Variants in LTBP4 observed in about 807,000 individuals in gnomAD.
The protein encoded by LTBP4 is latent transforming growth factor beta binding protein 4, also known as latent-transforming growth factor beta-binding protein 4.
LTBP4 carries 93 observed loss-of-function variants against 180.2 expected under a neutral mutation model. The observed-to-expected ratio is 0.52, with a 90% CI of 0.44 to 0.61. The LOEUF (loss-of-function observed/expected upper bound fraction) is 0.61. LTBP4 is among the 20% of genes least tolerant of loss of function. LTBP4 has a pLI of 0.00. For missense variants in LTBP4, 2,116 were observed against 2,256.5 expected, an observed-to-expected ratio of 0.94 and a Z score of 1.26; for synonymous variants, 947 against 934.5, an observed-to-expected ratio of 1.01 and a Z score of -0.24.
rs760436315 is a variant in LTBP4, at chr19:40,613,060, C to A, written c.2300-5C>A. On this transcript the variant is annotated splice_region_variant and splice_polypyrimidine_tract_variant and intron_variant, in intron 15 of 29. Transcript: ENST00000396819. This position sits in a 1 kb window ranked among gnomAD's most constrained non-coding sequence, Gnocchi z 5.0. Reference sequence around the variant, plus strand: ...ACCCTTTCTGAACACCCCCACCCCCCACAGATGTGGACGAATGCAGTTCGG... The same window carrying A: ...ACCCTTTCTGAACACCCCCACCCCCAACAGATGTGGACGAATGCAGTTCGG... 61 of 1,611,582 alleles carry A rather than the reference C, an allele frequency of 3.8e-5. No homozygotes were observed. Among genetic ancestry groups the A allele is most frequent in the Middle Eastern group, 1.6e-4 (1 of 6,080 alleles).
Position 40,609,963 on chromosome 19 carries a change from C to T in LTBP4, c.1684+92C>T. On this transcript the variant is annotated intron_variant, in intron 11 of 29. Transcript: ENST00000396819. The surrounding 1 kb of genome is among the most constrained non-coding windows in gnomAD (Gnocchi z 4.9). ...CCTCTCCAGCCCTCCCACGCTTCCC[C>T]TCTCGGGTCCCGCCCCAGGACTGCT... 1.4e-6 allele frequency: 2 copies of T among 1,427,516 alleles called. No individual in the cohort carries two copies. The highest frequency in any genetic ancestry group is 1.5e-5 in the South Asian group (1 of 68,910). 88.4% of individuals were successfully genotyped at this position (1,427,516 alleles called of 1,614,324 possible).
chr19:40,613,480 T>C lies in LTBP4; in HGVS notation c.2508T>C (p.Cys836=). 5 of 1,591,808 alleles carry C rather than the reference T, an allele frequency of 3.1e-6. No homozygotes were observed. Among genetic ancestry groups the C allele is most frequent in the Non-Finnish European group, 4.3e-6 (5 of 1,169,812 alleles). Reference sequence around the variant, plus strand: ...TCAACACTGACGGCTCCTTTGCCTGTACTTGTGCCCCTGGCTACCGACCCG... The same window carrying C: ...TCAACACTGACGGCTCCTTTGCCTGCACTTGTGCCCCTGGCTACCGACCCG... ...ECLNTDGSFA[C]TCAPGYRPGP... The change falls in exon 17 of 30, where the codon TGT becomes TGC. Residue 836 remains cysteine (C), a synonymous_variant. Coordinates refer to ENST00000396819, the MANE Select transcript of LTBP4 (RefSeq NM_001042545.2). The surrounding 1 kb of genome is among the most constrained non-coding windows in gnomAD (Gnocchi z 5.0).
At position 40,606,566 on chromosome 19, in the gene LTBP4, C is replaced by T. The variant is rs746831781; in HGVS notation, c.991+40C>T. 1.6e-5 allele frequency: 25 copies of T among 1,539,524 alleles called. No homozygotes were observed. In the Admixed American group the frequency reaches 2.9e-4, roughly 18 times the overall value. ...GGGAGCTGAGGCTGGGTCCCGCCCTCCCTGCCCTCAGAAGTCCCAGAGCAT... is the reference window on the plus strand; with the variant it reads ...GGGAGCTGAGGCTGGGTCCCGCCCTTCCTGCCCTCAGAAGTCCCAGAGCAT... On this transcript the variant is annotated intron_variant, in intron 6 of 29. Transcript: ENST00000396819.
chr19:40,604,742 C>T (rs1173402226), intron 1 of LTBP4, among the ~76,000 whole-genome samples: 1 of 152,138 alleles, frequency 6.6e-6, no homozygotes, highest in Non-Finnish European at 1.5e-5. Context: ...ACTTAGGAGG[C>T]TCAGATGGGA....
At chr19:40,607,818 T>G (rs2146024384) in intron 7 of LTBP4, among the ~76,000 whole-genome samples, 1 of 152,320 alleles carries the variant, frequency 6.6e-6, no homozygotes, top group African/African-American at 2.4e-5. Flanking sequence ...TCCCTGAACT[T>G]TGACCAAGTC....
chr19:40,614,018 C>T lies in LTBP4; in HGVS notation c.2660C>T (p.Pro887Leu), dbSNP rs780185380. 3.1e-6 allele frequency: 5 copies of T among 1,613,100 alleles called. No individual in the cohort carries two copies. Among genetic ancestry groups the T allele is most frequent in the Non-Finnish European group, 4.2e-6 (5 of 1,179,790 alleles). The change falls in exon 18 of 30, where the codon CCG becomes CTG. Residue 887 changes from proline to leucine, a missense_variant. Around this residue, in one of 5 missense-constraint regions of LTBP4, gnomAD observed 877 missense variants for 873.6 expected, o/e 1.00. Transcript: ENST00000396819. ...CICPPGHRAG[P>L]DLASCLDVDE... ...TGTCCTCCGGGACACCGCGCTGGCCCGGACCTCGCCTCCTGCCTCGGTGAG... is the reference window on the plus strand; with the variant it reads ...TGTCCTCCGGGACACCGCGCTGGCCTGGACCTCGCCTCCTGCCTCGGTGAG...
rs1387132961 is a variant in LTBP4, at chr19:40,610,152, A to G, written c.1684+281A>G. 5.1e-5 allele frequency: 23 copies of G among 453,004 alleles called. No individual in the cohort carries two copies. The East Asian group carries it at 7.9e-4, about 16-fold the overall frequency. The allele number at this position is 453,004 out of a possible 1,614,324, so 28.1% of individuals were successfully genotyped here. A position where few individuals can be genotyped will look rare whatever the true frequency, so the allele number is the denominator to read the frequency against. On this transcript the variant is annotated intron_variant, in intron 11 of 29. Coordinates refer to ENST00000396819, the MANE Select transcript of LTBP4 (RefSeq NM_001042545.2). ...CGCCCAGGCCCCGCCCTTATTGGCC[A>G]CGCCCCTCCCTGACTAACTCCCTCC...
At chr19:40,593,229 A>G (rs1396624153) in intron 1 of LTBP4, 1 of 1,611,180 alleles carries the variant, frequency 6.2e-7, no homozygotes. Flanking sequence ...GTGCACCTCA[A>G]ACCCTAATTT....
chr19:40,597,276 G>A (rs2081396129), upstream of LTBP4: 2 of 1,518,994 alleles, frequency 1.3e-6, no homozygotes, highest in Admixed American at 4.0e-5. Flanking sequence ...CCCTCCTGCT[G>A]GTGCTGTTGC....
intron 26 of LTBP4, among the ~76,000 whole-genome samples, chr19:40,625,270 A>T (rs1325825975): frequency 5.2e-3 from 18 of 3,468 alleles, no homozygotes; most frequent in African/African-American, 0.046. Context: ...ATATATATAT[A>T]TATATATATA....
Position 40,629,298 on chromosome 19 carries a change from C to T in LTBP4, c.4520-98C>T. On this transcript the variant is annotated intron_variant, in intron 29 of 29. Coordinates refer to ENST00000396819, the MANE Select transcript of LTBP4 (RefSeq NM_001042545.2). The surrounding 1 kb of genome is among the most constrained non-coding windows in gnomAD (Gnocchi z 4.5). The stretch of plus-strand genomic sequence containing the variant: ...AGGCCAGATTGGACTCCAAACTGCT[C>T]AGCATCTGTGCTCCTCTGTTCCAAG... 2 of 1,526,466 alleles carry T rather than the reference C, an allele frequency of 1.3e-6. No individual in the cohort carries two copies. Among genetic ancestry groups the T allele is most frequent in the South Asian group, 1.1e-5 (1 of 88,914 alleles). 94.6% of individuals were successfully genotyped at this position (1,526,466 alleles called of 1,614,324 possible). A position where few individuals can be genotyped will look rare whatever the true frequency, so the allele number is the denominator to read the frequency against.
rs902535012 is a variant in LTBP4, at chr19:40,607,491, G to A, written c.1118G>A (p.Trp373Ter). 6.2e-7 allele frequency: 1 copy of A among 1,612,674 alleles called. No individual in the cohort carries two copies. Among genetic ancestry groups the A allele is most frequent in the Admixed American group, 1.7e-5 (1 of 59,952 alleles). Residue 373 changes from tryptophan (W) to a stop codon, truncating the protein, a stop_gained, in exon 7 of 30, where the codon TGG becomes TAG. Coordinates refer to ENST00000396819, the MANE Select transcript of LTBP4 (RefSeq NM_001042545.2). LOFTEE classifies it high-confidence loss of function. ...TGCTGCAGCCGCGTAGGCAAGGCCTGGGGCCGGGGCTGCCAGCTCTGCCCA... is the reference window on the plus strand; with the variant it reads ...TGCTGCAGCCGCGTAGGCAAGGCCTAGGGCCGGGGCTGCCAGCTCTGCCCA... ...ICCCSRVGKA[W>*]GRGCQLCPPF...
rs774856912 is a variant in LTBP4, at chr19:40,608,336, C to G, written c.1273C>G (p.Arg425Gly). The G allele has an allele frequency of 6.8e-6, 11 of 1,613,560 alleles. No individual in the cohort carries two copies. The highest frequency in any genetic ancestry group is 9.3e-6 in the Non-Finnish European group (11 of 1,179,804). ...ACCCCGAGTGTCACTCAGCCAGCCTCGTACCCTGCCAGCCACCTCTCGGCC... is the reference window on the plus strand; with the variant it reads ...ACCCCGAGTGTCACTCAGCCAGCCTGGTACCCTGCCAGCCACCTCTCGGCC... ...EPPRVSLSQPRTLPATSRPSA... is the reference protein window; with the variant it reads ...EPPRVSLSQPGTLPATSRPSA... Residue 425 changes from arginine (R) to glycine (G), a missense_variant, in exon 8 of 30, where the codon CGT (arginine) becomes GGT (glycine). By Grantham distance (125) the Arg-to-Gly change is moderately radical. Coordinates refer to ENST00000396819, the MANE Select transcript of LTBP4 (RefSeq NM_001042545.2).
Position 40,622,450 on chromosome 19 carries a change from C to T in LTBP4, c.3267C>T (p.Pro1089=), listed in dbSNP as rs754157157. The change falls in exon 23 of 30, where the codon CCC becomes CCT. Residue 1089 remains proline, a synonymous_variant. Transcript: ENST00000396819. The surrounding 1 kb of genome is among the most constrained non-coding windows in gnomAD (Gnocchi z 5.1). ...QPQAPASPVL[P]ARPPPPPLPR... ...AGGCACCTGCTAGCCCCGTTCTGCCCGCCAGGCCACCTCCGCCACCCCTGC... is the reference window on the plus strand; with the variant it reads ...AGGCACCTGCTAGCCCCGTTCTGCCTGCCAGGCCACCTCCGCCACCCCTGC... 63 of 1,596,912 alleles carry T rather than the reference C, an allele frequency of 3.9e-5. No individual in the cohort carries two copies. In the Admixed American group the frequency reaches 6.4e-4, roughly 16 times the overall value.
chr19:40,627,698 C>A lies in LTBP4; in HGVS notation c.4367-7C>A. ...CTCAAGTCATAGGGTCCCCGCATTT[C>A]CCACAGGTTCCCTGGCTGAGCCCTA... On this transcript the variant is annotated splice_polypyrimidine_tract_variant and splice_region_variant and intron_variant, in intron 28 of 29. Coordinates refer to ENST00000396819, the MANE Select transcript of LTBP4 (RefSeq NM_001042545.2). 1 of 1,585,478 alleles carries A rather than the reference C, an allele frequency of 6.3e-7. No homozygotes were observed. The highest frequency in any genetic ancestry group is 8.6e-7 in the Non-Finnish European group (1 of 1,167,380).
At chr19:40,602,577 C>G (rs977872133) in intron 1 of LTBP4, among the ~76,000 whole-genome samples, 2 of 152,172 alleles carry the variant, frequency 1.3e-5, no homozygotes, top group African/African-American at 4.8e-5. Flanking sequence ...CTCTCTCCTC[C>G]CCTTCCTCCC....
At position 40,613,513 on chromosome 19, in the gene LTBP4, C is replaced by T. The variant is rs374064719; in HGVS notation, c.2541C>T (p.Arg847=). ...CCCCTGGCTACCGACCCGGACCCCG[C>T]GGAGCCTCTTGCCTCGGTTCGTACC... is the stretch of plus-strand genomic sequence containing the variant. ...TCAPGYRPGP[R]GASCLDVDEC... is the part of the protein sequence containing the mutation. Residue 847 remains arginine (R), a synonymous_variant, in exon 17 of 30, where the codon CGC becomes CGT. Coordinates refer to ENST00000396819, the MANE Select transcript of LTBP4 (RefSeq NM_001042545.2). The surrounding 1 kb of genome is among the most constrained non-coding windows in gnomAD (Gnocchi z 5.0). 15 of 1,572,424 alleles carry T rather than the reference C, an allele frequency of 9.5e-6. No individual in the cohort carries two copies. The highest frequency in any genetic ancestry group is 1.8e-5 in the Admixed American group (1 of 54,114).
intron 24 of LTBP4, 104 bp from the exon 25 acceptor site, chr19:40,623,500 A>C: frequency 7.3e-7 from 1 of 1,378,348 alleles, no homozygotes; most frequent in Non-Finnish European, 9.8e-7. Context: ...CCCTGTCTCT[A>C]CTTCTTGGTC....
In LTBP4 at chr19:40,629,761, C is replaced by A; in HGVS notation, c.*211C>A. The A allele has an allele frequency of 2.6e-6, 1 of 388,684 alleles. No homozygotes were observed. Among genetic ancestry groups the A allele is most frequent in the Non-Finnish European group, 4.4e-6 (1 of 227,904 alleles). The allele number at this position is 388,684 out of a possible 1,614,324, so 24.1% of individuals were successfully genotyped here. ...GTGGTCCCGGGCCTGGCCCAGGGGC[C>A]CCTTTACATGCCCTCTCCCTTTTAT... is the stretch of plus-strand genomic sequence containing the variant. On this transcript the variant is annotated 3_prime_UTR_variant, in exon 30 of 30. Coordinates refer to ENST00000396819, the MANE Select transcript of LTBP4 (RefSeq NM_001042545.2). This position sits in a 1 kb window ranked among gnomAD's most constrained non-coding sequence, Gnocchi z 4.5.
Sources: allele counts gnomAD v4.1 joint callset (sites outside exome capture counted in the v4.1 genomes callset), GRCh38; gene constraint gnomAD v4.1.1; regional missense constraint gnomAD v4.1.1; non-coding constraint Gnocchi (gnomAD v3.1); transcripts MANE v1.5; gene names NCBI Gene and HGNC (gene_info 2026-07-23, HGNC 2026-07-21).